Variants in ENTREP2 observed in about 807,000 individuals in gnomAD.
The protein encoded by ENTREP2 is protein ENTREP2.
chr15:29,510,850 C>G, the ENTREP2 span, among the ~76,000 whole-genome samples: 4 of 150,180 alleles, frequency 2.7e-5, no homozygotes, highest in African/African-American at 9.8e-5. Context: ...CCATGGAATA[C>G]TATGCAGCCA....
the ENTREP2 span, among the ~76,000 whole-genome samples, chr15:29,550,728 A>T: frequency 0.053 from 7,999 of 152,296 alleles, 661 homozygotes; most frequent in African/African-American, 0.18. Flanking sequence ...CCAAAAGTTA[A>T]CTCACCTAAA....
At chr15:29,535,355 T>C in the ENTREP2 span, among the ~76,000 whole-genome samples, 1 of 151,060 alleles carries the variant, frequency 6.6e-6, no homozygotes, top group Non-Finnish European at 1.5e-5. Flanking sequence ...AATAAAATGG[T>C]GTGATAAAAG....
the ENTREP2 span, among the ~76,000 whole-genome samples, chr15:29,633,459 G>T: frequency 1.4e-5 from 2 of 144,582 alleles, no homozygotes; most frequent in African/African-American, 2.9e-5. Context: ...ATTTGATGTT[G>T]GGGGGGGCGG....
At chr15:29,413,125 T>C in the ENTREP2 span, among the ~76,000 whole-genome samples, 14 of 152,146 alleles carry the variant, frequency 9.2e-5, no homozygotes, top group Admixed American at 2.0e-4. Flanking sequence ...GGTCAGAGAA[T>C]GTGATCTCCT....
chr15:29,205,374 T>A, the ENTREP2 span, among the ~76,000 whole-genome samples: 1 of 152,348 alleles, frequency 6.6e-6, no homozygotes, highest in African/African-American at 2.4e-5. Flanking sequence ...ATTCTCTGTT[T>A]AATGATTTAA....
chr15:29,278,031 G>A, the ENTREP2 span, among the ~76,000 whole-genome samples: 1 of 152,356 alleles, frequency 6.6e-6, no homozygotes, highest in Middle Eastern at 3.4e-3. Flanking sequence ...GTGGTCTTGA[G>A]GGAGATAACA....
chr15:29,503,999 ATC>A, the ENTREP2 span, among the ~76,000 whole-genome samples: 14 of 152,318 alleles, frequency 9.2e-5, no homozygotes, highest in East Asian at 2.5e-3. Flanking sequence ...TTTCACAACC[ATC>A]ACAGTAGCTA....
the ENTREP2 span, among the ~76,000 whole-genome samples, chr15:29,650,239 A>G: frequency 6.6e-6 from 1 of 152,148 alleles, no homozygotes; most frequent in East Asian, 1.9e-4. Context: ...ACTCACTAAT[A>G]TTAAAGGTAC....
At chr15:29,374,623 T>C in the ENTREP2 span, 1 of 152,148 alleles carries the variant, frequency 6.6e-6, no homozygotes, top group Non-Finnish European at 1.5e-5. Context: ...GGGTTTCTAG[T>C]TTTTATTCCA....
At chr15:29,237,684 C>A in the ENTREP2 span, among the ~76,000 whole-genome samples, 50,858 of 152,040 alleles carry the variant, frequency 0.33, 9,796 homozygotes, top group East Asian at 0.6. Flanking sequence ...TGTAGAGAAA[C>A]TGGAACCCTC....
chr15:29,593,432 C>G, the ENTREP2 span, among the ~76,000 whole-genome samples: 1 of 152,178 alleles, frequency 6.6e-6, no homozygotes, highest in Non-Finnish European at 1.5e-5. Flanking sequence ...CCACCAGTGA[C>G]AGCCTCTTGA....
the ENTREP2 span, among the ~76,000 whole-genome samples, chr15:29,483,020 G>A: frequency 6.6e-6 from 1 of 152,156 alleles, no homozygotes; most frequent in Non-Finnish European, 1.5e-5. Context: ...TCAGTGTTTT[G>A]GCTTTTAGCC....
At chr15:29,199,477 G>A in the ENTREP2 span, among the ~76,000 whole-genome samples, 32 of 152,288 alleles carry the variant, frequency 2.1e-4, no homozygotes, top group South Asian at 2.1e-4. Flanking sequence ...CAATGGAAAC[G>A]TCTCTAAGAA....
At chr15:29,653,071 G>A in the ENTREP2 span, among the ~76,000 whole-genome samples, 5 of 152,162 alleles carry the variant, frequency 3.3e-5, no homozygotes, top group Non-Finnish European at 7.4e-5. Context: ...CAAAAAGATG[G>A]ACAAAGAAAT....
the ENTREP2 span, among the ~76,000 whole-genome samples, chr15:29,625,129 A>C: frequency 6.6e-6 from 1 of 152,134 alleles, no homozygotes; most frequent in South Asian, 2.1e-4. Context: ...ATTTTTTAAA[A>C]AAACCATTTC....
chr15:29,646,952 C>A, the ENTREP2 span, among the ~76,000 whole-genome samples: 1 of 152,198 alleles, frequency 6.6e-6, no homozygotes, highest in African/African-American at 2.4e-5. Flanking sequence ...GCCTTGACCA[C>A]CATATGAGGA....
the ENTREP2 span, among the ~76,000 whole-genome samples, chr15:29,513,722 T>C: frequency 6.6e-6 from 1 of 152,182 alleles, no homozygotes; most frequent in Non-Finnish European, 1.5e-5. Flanking sequence ...CAAGGAGCAT[T>C]CCCACCCAAA....
chr15:29,157,367 G>A, the ENTREP2 span, among the ~76,000 whole-genome samples: 2 of 152,146 alleles, frequency 1.3e-5, no homozygotes, highest in African/African-American at 2.4e-5. Context: ...GGGGCCTGGG[G>A]GCCTCCGCAG....
At chr15:29,586,597 G>T in the ENTREP2 span, among the ~76,000 whole-genome samples, 1 of 152,054 alleles carries the variant, frequency 6.6e-6, no homozygotes. Flanking sequence ...GATCCCTTTA[G>T]GTCAGGAGAA....
Sources: gnomAD v4.1 joint callset for allele counts (sites outside exome capture counted in the v4.1 genomes callset) on GRCh38, gnomAD v4.1.1 for gene constraint, MANE v1.5 for transcripts, NCBI Gene and HGNC (gene_info 2026-07-23, HGNC 2026-07-21) for gene names.